CELF2: variants seen among roughly 807,000 people sequenced by gnomAD.
The protein encoded by CELF2 is CUG triplet repeat RNA-binding protein 2.
Under a neutral mutation model 62.6 loss-of-function variants are expected in CELF2, and 8 were observed. That is an observed-to-expected ratio of 0.13 (90% CI 0.07 to 0.23). The LOEUF (loss-of-function observed/expected upper bound fraction) is 0.23, where lower values mean the gene tolerates loss of function less well. Among genes scored for constraint, CELF2 ranks in the 10% least tolerant of loss-of-function variants. The pLI, the probability that CELF2 is intolerant of heterozygous loss-of-function variation, is 1.00. For synonymous variants in CELF2, 258 were observed against 250.0 expected, an observed-to-expected ratio of 1.03 and a Z score of -0.30; for missense variants, 333 against 671.0, an observed-to-expected ratio of 0.50 and a Z score of 5.56.
At chr10:10,760,319 T>C in the CELF2 span, among the ~76,000 whole-genome samples, 330 of 152,206 alleles carry the variant, frequency 2.2e-3, 1 homozygote, top group South Asian at 0.012. Flanking sequence ...ACTCTAGGAG[T>C]GTTCTGCTGT....
intron 1 of CELF2, among the ~76,000 whole-genome samples, chr10:10,823,912 G>T (rs1019136585): frequency 5.3e-5 from 8 of 152,108 alleles, no homozygotes; most frequent in Non-Finnish European, 8.8e-5. Context: ...GTGTGTGTAC[G>T]TGTGGATAGA....
the CELF2 span, among the ~76,000 whole-genome samples, chr10:10,482,342 A>G: frequency 6.6e-6 from 1 of 152,216 alleles, no homozygotes; most frequent in Non-Finnish European, 1.5e-5. Context: ...CTAATTTAAA[A>G]TACGTGAAAA....
chr10:10,485,021 C>T, the CELF2 span, among the ~76,000 whole-genome samples: 1 of 152,024 alleles, frequency 6.6e-6, no homozygotes, highest in African/African-American at 2.4e-5. Flanking sequence ...CTGATGCTAC[C>T]AGGAATTGCC....
chr10:10,762,009 C>T, the CELF2 span, among the ~76,000 whole-genome samples: 20 of 150,748 alleles, frequency 1.3e-4, no homozygotes, highest in African/African-American at 3.4e-4. Flanking sequence ...AGAGCCCTGA[C>T]GTAGACTAAA....
the CELF2 span, among the ~76,000 whole-genome samples, chr10:10,556,205 C>T: frequency 6.6e-6 from 1 of 152,056 alleles, no homozygotes; most frequent in South Asian, 2.1e-4. Flanking sequence ...ATCACAGTCC[C>T]CAGAGTGTGA....
chr10:10,524,721 C>T, the CELF2 span, among the ~76,000 whole-genome samples: 1 of 151,972 alleles, frequency 6.6e-6, no homozygotes, highest in East Asian at 1.9e-4. Context: ...CAAATGATGC[C>T]TCACACTTTG....
In CELF2 at chr10:10,982,141, A is replaced by T. The variant is rs189410117; in HGVS notation, c.89+62142A>T. On this transcript the variant is annotated intron_variant, in intron 2 of 13. Coordinates refer to the CELF2 transcript ENST00000636488. ...TGGCTAATTTTTTTATTTTTAGTAG[A>T]GACAGGTTTCACCATGTTGGCCAGG... Among the ~76,000 whole-genome samples, 17 of 151,824 alleles carry T rather than the reference A, an allele frequency of 1.1e-4. No homozygotes were observed. In the East Asian group the frequency reaches 3.1e-3, roughly 28 times the overall value.
At chr10:11,052,392 G>A (rs2064125838) in intron 1 of CELF2, among the ~76,000 whole-genome samples, 2 of 152,164 alleles carry the variant, frequency 1.3e-5, no homozygotes, top group Non-Finnish European at 2.9e-5. Context: ...AACCTTGCTT[G>A]ATGCAGACAC....
the CELF2 span, among the ~76,000 whole-genome samples, chr10:10,514,407 G>C: frequency 1.3e-5 from 2 of 152,150 alleles, no homozygotes; most frequent in African/African-American, 4.8e-5. Context: ...TGTGGACTCA[G>C]CATAATTGAG....
At chr10:10,555,994 C>T in the CELF2 span, among the ~76,000 whole-genome samples, 1 of 152,140 alleles carries the variant, frequency 6.6e-6, no homozygotes, top group East Asian at 1.9e-4. Context: ...TAATACTTTA[C>T]TGAACTTCAA....
rs7081578 is a variant in CELF2, at chr10:10,958,880, C to T, written c.89+38881C>T. Among the ~76,000 whole-genome samples the T allele has an allele frequency of 2.7e-3, 407 of 152,058 alleles. 2 individuals are homozygous for T. The highest frequency in any genetic ancestry group is 9.1e-3 in the African/African-American group (377 of 41,484). On this transcript the variant is annotated intron_variant, in intron 2 of 13. Transcript: ENST00000636488. ...AAAAAGAAAACAAAGAATAGGGCCA[C>T]GACAACATCACAAGGTATGTATGTA...
intron 1 of CELF2, among the ~76,000 whole-genome samples, chr10:10,854,194 C>T (rs1421192164): frequency 3.3e-5 from 5 of 152,134 alleles, no homozygotes; most frequent in East Asian, 1.9e-4. Flanking sequence ...ACATGCGAAT[C>T]GAACCTGGAA....
At chr10:10,835,475 C>T (rs1465646083) in intron 1 of CELF2, among the ~76,000 whole-genome samples, 3 of 151,814 alleles carry the variant, frequency 2.0e-5, no homozygotes, top group South Asian at 2.1e-4. Flanking sequence ...CTCTGCCTCC[C>T]GGGTTCTAGC....
chr10:10,747,490 G>A, the CELF2 span, among the ~76,000 whole-genome samples: 81 of 152,268 alleles, frequency 5.3e-4, 1 homozygote, highest in Non-Finnish European at 8.8e-4. Context: ...ACGGAAGGCG[G>A]CAGGCACCTG....
At chr10:10,608,819 G>A in the CELF2 span, among the ~76,000 whole-genome samples, 2 of 152,146 alleles carry the variant, frequency 1.3e-5, no homozygotes, top group African/African-American at 4.8e-5. Flanking sequence ...CGAGAGTAGT[G>A]ATTCTTAATT....
rs961794845 is a variant in CELF2, at chr10:11,315,424, C to T, written c.1096+1166C>T. Among the ~76,000 whole-genome samples the T allele has an allele frequency of 6.6e-6, 1 of 152,128 alleles. No homozygotes were observed. Among genetic ancestry groups the T allele is most frequent in the African/African-American group, 2.4e-5 (1 of 41,436 alleles). The stretch of plus-strand genomic sequence containing the variant: ...GACCAGGCAGTATACTTTTTTAAAG[C>T]AAAATAATCCCAGTAATTTCATACT... On this transcript the variant is annotated intron_variant, in intron 10 of 12. Transcript: ENST00000633077. The surrounding 1 kb of genome is among the most constrained non-coding windows in gnomAD (Gnocchi z 5.8).
At chr10:10,604,142 G>A in the CELF2 span, among the ~76,000 whole-genome samples, 2 of 152,280 alleles carry the variant, frequency 1.3e-5, no homozygotes, top group African/African-American at 2.4e-5. Context: ...CCTGGGAGGT[G>A]GAGGTTGCAG....
the CELF2 span, among the ~76,000 whole-genome samples, chr10:10,495,709 T>C: frequency 6.6e-6 from 1 of 152,326 alleles, no homozygotes; most frequent in East Asian, 1.9e-4. Context: ...CTAAGTGACC[T>C]TCTTGCCCAA....
Position 10,837,249 on chromosome 10 carries a change from C to T in CELF2, c.53+38432C>T, listed in dbSNP as rs993793308. ...TTCTGGAGGATTGTAGTGAATAAGT[C>T]TCATGAGATCTAATGATATTTTTAA... is the stretch of plus-strand genomic sequence containing the variant. On this transcript the variant is annotated intron_variant, in intron 1 of 13. Transcript: ENST00000636488. 5.3e-5 allele frequency among the ~76,000 whole-genome samples: 8 copies of T among 152,154 alleles called. No individual in the cohort carries two copies. The East Asian group carries it at 1.3e-3, about 26-fold the overall frequency.
Sources: gnomAD v4.1 joint callset for allele counts (sites outside exome capture counted in the v4.1 genomes callset) on GRCh38, gnomAD v4.1.1 for gene constraint, Gnocchi (gnomAD v3.1) non-coding constraint, MANE v1.5 for transcripts, NCBI Gene and HGNC (gene_info 2026-07-23, HGNC 2026-07-21) for gene names.